Variants in PARVB observed in about 807,000 individuals in gnomAD.
PARVB encodes the protein parvin beta, also known as beta-parvin.
In PARVB, 46 loss-of-function variants were observed where a neutral mutation model predicts 47.0. The ratio of observed to expected loss-of-function variants is 0.98; its 90% CI spans 0.77 to 1.25. The LOEUF (loss-of-function observed/expected upper bound fraction) is 1.25. Ranked by LOEUF, PARVB falls within the 50% of genes most tolerant of loss-of-function variation. PARVB has a pLI of 0.00. For missense variants in PARVB, 473 were observed against 471.6 expected (o/e 1.00, Z -0.03); for synonymous variants, 196 against 196.3 (o/e 1.00, Z 0.01).
At chr22:44,040,586 T>C (rs554792519) in intron 1 of PARVB, among the ~76,000 whole-genome samples, 1 of 152,258 alleles carries the variant, frequency 6.6e-6, no homozygotes, top group South Asian at 2.1e-4. Flanking sequence ...GTGAGCAGCC[T>C]CTGAAAGCTG....
intron 12 of PARVB, 188 bp from the exon 13 acceptor site, chr22:44,168,414 A>G (rs2054219242): frequency 2.1e-5 from 12 of 572,852 alleles, no homozygotes; most frequent in South Asian, 2.0e-4. Flanking sequence ...AGGAGCTCTC[A>G]CAAAACCTGT....
At chr22:44,091,062 G>A (rs2052154712) in intron 1 of PARVB, among the ~76,000 whole-genome samples, 1 of 152,174 alleles carries the variant, frequency 6.6e-6, no homozygotes, top group Non-Finnish European at 1.5e-5. Context: ...GTGGGGCAGA[G>A]GGAGTCTCAA....
chr22:43,999,489 A>G (rs779451828), intron 1 of PARVB: 1 of 1,557,070 alleles, frequency 6.4e-7, no homozygotes, highest in South Asian at 1.1e-5. Flanking sequence ...GCTTCTCTTG[A>G]GAAACTGGAT....
At chr22:44,054,579 A>G (rs2051269593) in intron 1 of PARVB, among the ~76,000 whole-genome samples, 1 of 146,058 alleles carries the variant, frequency 6.8e-6, no homozygotes, top group Non-Finnish European at 1.5e-5. Flanking sequence ...GGGGCTGGGC[A>G]GGGAGGGGAC....
intron 2 of PARVB, among the ~76,000 whole-genome samples, chr22:44,098,168 G>A (rs548660453): frequency 4.6e-5 from 7 of 152,220 alleles, no homozygotes; most frequent in African/African-American, 7.2e-5. Context: ...TTCCAGAAAC[G>A]GGCTCTCTGA....
At chr22:44,008,212 T>C (rs754180271) in intron 2 of PARVB, among the ~76,000 whole-genome samples, 1 of 152,124 alleles carries the variant, frequency 6.6e-6, no homozygotes, top group Non-Finnish European at 1.5e-5. Context: ...GCAATTCTCC[T>C]GCCTTAGCAC....
chr22:44,028,312 G>GGT (rs2050767198), intron 1 of PARVB, among the ~76,000 whole-genome samples: 1 of 151,196 alleles, frequency 6.6e-6, no homozygotes, highest in East Asian at 2.0e-4. Context: ...TCATTTTTTT[G>GGT]TTTTGTTTTT....
At chr22:44,009,552 T>A (rs1603422228) in intron 2 of PARVB, 1 of 151,704 alleles carries the variant, frequency 6.6e-6, no homozygotes, top group African/African-American at 2.4e-5. Flanking sequence ...GCCATAAAGG[T>A]TTATATATAT....
rs139050289 is a variant in PARVB, at chr22:44,163,927, G to T, written c.1015G>T (p.Glu339Ter). 2 of 1,608,874 alleles carry T rather than the reference G, an allele frequency of 1.2e-6. No individual in the cohort carries two copies. The highest frequency in any genetic ancestry group is 2.7e-5 in the African/African-American group (2 of 74,974). The change falls in exon 12 of 13, where the codon GAA (glutamate) becomes TAA (stop). Residue 339 changes from glutamate to a stop codon, truncating the protein, a stop_gained. Transcript: ENST00000338758. LOFTEE classifies it high-confidence loss of function. Reference protein sequence around the residue: ...GGLKKPKARPEDVVNLDLKST... With the variant: ...GGLKKPKARP ...CCTCAAGAAACCCAAGGCTCGTCCTGAAGGTAATGCCCCTGGCTCAGGTTC... is the reference window on the plus strand; with the variant it reads ...CCTCAAGAAACCCAAGGCTCGTCCTTAAGGTAATGCCCCTGGCTCAGGTTC...
At chr22:44,034,222 A>G (rs1027273722) in intron 1 of PARVB, among the ~76,000 whole-genome samples, 3 of 149,918 alleles carry the variant, frequency 2.0e-5, no homozygotes, top group Non-Finnish European at 4.4e-5. Context: ...TAAAGAATAT[A>G]TATTCTTTAT....
chr22:44,154,904 G>GGT (rs143427065), intron 10 of PARVB, among the ~76,000 whole-genome samples: 10,756 of 140,578 alleles, frequency 0.077, 660 homozygotes, highest in South Asian at 0.28. Flanking sequence ...TGTAGTGTGT[G>GGT]GTGTGTGTGT....
At chr22:44,075,754 C>T (rs2051757318) in intron 1 of PARVB, among the ~76,000 whole-genome samples, 1 of 152,234 alleles carries the variant, frequency 6.6e-6, no homozygotes, top group African/African-American at 2.4e-5. Context: ...TCCTCCACGC[C>T]TTTTCACAGC....
chr22:44,116,114 C>T (rs1007850842), intron 3 of PARVB: 1 of 152,356 alleles, frequency 6.6e-6, no homozygotes, highest in African/African-American at 2.4e-5. Context: ...TGAGGCTTCT[C>T]TGGGCTCTGA....
chr22:44,087,376 C>G (rs2052048044), intron 1 of PARVB, among the ~76,000 whole-genome samples: 3 of 152,350 alleles, frequency 2.0e-5, no homozygotes, highest in Middle Eastern at 3.4e-3. Context: ...TCTGGCCCCC[C>G]AGGACCTGTG....
At chr22:44,035,489 G>T (rs2050904893) in intron 1 of PARVB, among the ~76,000 whole-genome samples, 1 of 150,144 alleles carries the variant, frequency 6.7e-6, no homozygotes, top group African/African-American at 2.5e-5. Context: ...TCCTGCCTCA[G>T]CCTCCCAAGT....
intron 1 of PARVB, among the ~76,000 whole-genome samples, chr22:44,050,772 A>AC (rs71826770): frequency 0.086 from 13,060 of 152,184 alleles, 944 homozygotes; most frequent in East Asian, 0.28. Flanking sequence ...TTGTCTCTGA[A>AC]CACTGTGCTG....
intron 1 of PARVB, among the ~76,000 whole-genome samples, chr22:44,054,138 T>G (rs1261673118): frequency 1.3e-5 from 2 of 152,114 alleles, no homozygotes; most frequent in Admixed American, 1.3e-4. Flanking sequence ...GTCTCATTAC[T>G]TACAATCTGA....
intron 2 of PARVB, among the ~76,000 whole-genome samples, chr22:44,018,097 T>C (rs2050603236): frequency 6.6e-6 from 1 of 152,120 alleles, no homozygotes; most frequent in African/African-American, 2.4e-5. Flanking sequence ...ACAATCCCAC[T>C]GAGATGTCAA....
chr22:44,088,066 A>G (rs1248230402), intron 1 of PARVB, among the ~76,000 whole-genome samples: 5 of 152,128 alleles, frequency 3.3e-5, no homozygotes, highest in African/African-American at 1.2e-4. Context: ...AAACTGAGAC[A>G]CACAGAGCCG....
Sources: allele counts gnomAD v4.1 joint callset (sites outside exome capture counted in the v4.1 genomes callset), GRCh38; gene constraint gnomAD v4.1.1; transcripts MANE v1.5; gene names NCBI Gene and HGNC (gene_info 2026-07-23, HGNC 2026-07-21).